Variants in DHX37 observed in about 807,000 individuals in gnomAD.
The protein encoded by DHX37 is probable ATP-dependent RNA helicase DHX37.
In DHX37, 52 loss-of-function variants were observed where a neutral mutation model predicts 134.3. The observed-to-expected ratio is 0.39, with a 90% CI of 0.31 to 0.49. DHX37 has a LOEUF of 0.49. Among genes scored for constraint, DHX37 ranks in the 20% least tolerant of loss-of-function variants. The pLI is 0.93. For synonymous variants in DHX37, 634 were observed against 670.7 expected, an observed-to-expected ratio of 0.95 and a Z score of 0.85; for missense variants, 1,344 against 1,580.8, an observed-to-expected ratio of 0.85 and a Z score of 2.54.
Position 124,952,527 on chromosome 12 carries a change from C to T in DHX37, c.2739G>A (p.Lys913=), listed in dbSNP as rs137929753. 4.0e-5 allele frequency: 62 copies of T among 1,541,026 alleles called. No individual in the cohort carries two copies. The highest frequency in any genetic ancestry group is 5.3e-5 in the Non-Finnish European group (61 of 1,142,256). ...CCTGGCTCTCGGTGGGCGGCTGCAT[C>T]TTGGGATCCACGAAGAGCTCAGCCT... The part of the protein sequence containing the change: ...CPEAELFVDP[K]MQPPTESQVT... Residue 913 remains lysine, a synonymous_variant, in exon 21 of 27, where the codon AAG becomes AAA. Transcript: ENST00000308736.
intron 18 of DHX37, among the ~76,000 whole-genome samples, chr12:124,954,667 GGAT>G (rs1954055575): frequency 6.6e-6 from 1 of 152,198 alleles, no homozygotes; most frequent in Admixed American, 6.5e-5. Flanking sequence ...CAAAGTGCTG[GGAT>G]TACAGGCATG....
Position 124,947,474 on chromosome 12 carries a change from A to C in DHX37, c.*328T>G. 1.7e-5 allele frequency: 4 copies of C among 235,780 alleles called. No homozygotes were observed. The highest frequency in any genetic ancestry group is 1.6e-5 in the Non-Finnish European group (2 of 122,442). The allele number at this position is 235,780 out of a possible 1,614,324, so 14.6% of individuals were successfully genotyped here. A position where few individuals can be genotyped will look rare whatever the true frequency, so the allele number is the denominator to read the frequency against. On this transcript the variant is annotated 3_prime_UTR_variant, in exon 27 of 27. Transcript: ENST00000308736. ...TTCTGGCAGGGCGGGCGGGGAAGGG[A>C]CTGCAGAGATCTCCAGCCCTGCTGC...
intron 3 of DHX37, among the ~76,000 whole-genome samples, chr12:124,982,144 A>AG (rs1480333631): frequency 6.6e-6 from 1 of 151,282 alleles, no homozygotes; most frequent in African/African-American, 2.4e-5. Context: ...ACAAAAAAAA[A>AG]CACGACACAA....
rs1393328984 is a variant in DHX37, at chr12:124,982,651, A to G, written c.277-28T>C. ...GGGAAAGGAAACGAGTGTATTATGC[A>G]TTTGCCATCACGACCCTCTCTTAAG... On this transcript the variant is annotated intron_variant, in intron 2 of 26. Transcript: ENST00000308736. 3.7e-6 allele frequency: 6 copies of G among 1,606,288 alleles called. No homozygotes were observed. In the Admixed American group the frequency reaches 6.7e-5, roughly 18 times the overall value.
chr12:124,986,538 CTG>C (rs1954877062), intron 1 of DHX37, among the ~76,000 whole-genome samples: 1 of 151,812 alleles, frequency 6.6e-6, no homozygotes, highest in Non-Finnish European at 1.5e-5. Context: ...TGGCGAAACC[CTG>C]TCTCTACTAA....
chr12:124,970,063 G>A (rs1457918678), intron 8 of DHX37, among the ~76,000 whole-genome samples: 1 of 152,140 alleles, frequency 6.6e-6, no homozygotes, highest in Non-Finnish European at 1.5e-5. Context: ...AGCTCCACCC[G>A]CTGGGTTCAA....
chr12:124,958,474 C>T (rs10846783), intron 16 of DHX37, among the ~76,000 whole-genome samples: 38,737 of 151,960 alleles, frequency 0.25, 5,376 homozygotes, highest in East Asian at 0.57. Context: ...TTTTTATCCA[C>T]GTGACCCACA....
chr12:124,953,595 G>A (rs1032914396), intron 20 of DHX37: 16 of 438,304 alleles, frequency 3.7e-5, no homozygotes, highest in African/African-American at 1.6e-4. Context: ...AGGCCACAGC[G>A]GTGATGGAAA....
At chr12:124,963,086 G>A (rs770875003) in intron 15 of DHX37, among the ~76,000 whole-genome samples, 5 of 152,138 alleles carry the variant, frequency 3.3e-5, no homozygotes, top group Non-Finnish European at 7.3e-5. Flanking sequence ...TAGCCAAGAG[G>A]TGAAAACAAC....
intron 18 of DHX37, among the ~76,000 whole-genome samples, chr12:124,954,549 AGGCCC>A (rs1954052200): frequency 6.6e-6 from 1 of 152,040 alleles, no homozygotes; most frequent in Non-Finnish European, 1.5e-5. Flanking sequence ...GCCCACCACC[AGGCCC>A]GGCTAAGTTT....
At chr12:124,960,778 A>C (rs537548465) in intron 15 of DHX37, among the ~76,000 whole-genome samples, 11 of 152,050 alleles carry the variant, frequency 7.2e-5, no homozygotes, top group Admixed American at 6.5e-4. Flanking sequence ...ACATGGGGAA[A>C]CCCCCATCTC....
At position 124,950,235 on chromosome 12, in the gene DHX37, C is replaced by T. The variant is rs1953948898; in HGVS notation, c.3130G>A (p.Gly1044Ser). 1 of 1,613,534 alleles carries T rather than the reference C, an allele frequency of 6.2e-7. No homozygotes were observed. Among genetic ancestry groups the T allele is most frequent in the African/African-American group, 1.3e-5 (1 of 74,938 alleles). ...CHRASVFYRV[G>S]WPLPAIEVDF... ...ACCTCGATGGCGGGGAGCGGCCAGC[C>T]CACGCGATCTAGAAGGTGGGAGCCA... The change falls in exon 24 of 27, where the codon GGC becomes AGC. Residue 1044 changes from glycine (G) to serine (S), a missense_variant. Around this residue, in one of 7 missense-constraint regions of DHX37, gnomAD observed 558 missense variants for 650.0 expected, o/e 0.86. Transcript: ENST00000308736.
At chr12:124,977,193 A>C in intron 5 of DHX37, 149 bp downstream of exon 5, 8 of 956,276 alleles carry the variant, frequency 8.4e-6, no homozygotes, top group African/African-American at 1.7e-5. Flanking sequence ...GCTGGGGCCC[A>C]GAGAGGTTAA....
intron 7 of DHX37, among the ~76,000 whole-genome samples, chr12:124,971,721 C>T (rs1439109937): frequency 2.0e-5 from 3 of 152,214 alleles, no homozygotes; most frequent in Non-Finnish European, 4.4e-5. Flanking sequence ...GGGCTGGAAT[C>T]ACCTTTGCCA....
rs540837164 is a variant in DHX37 at position 124,978,358 on chromosome 12, TC to T, written c.739-869del. The stretch of plus-strand genomic sequence containing the variant: ...TTGAGACAGAGTTTCACTCTTGTTG[TC>T]CAGGCTGGAGTGCAATAGTGTGATC... On this transcript the variant is annotated intron_variant, in intron 4 of 26. Coordinates refer to ENST00000308736, the MANE Select transcript of DHX37 (RefSeq NM_032656.4). Among the ~76,000 whole-genome samples the T allele has an allele frequency of 6.1e-3, 928 of 151,038 alleles. 8 individuals carry two copies. The highest frequency in any genetic ancestry group is 0.011 in the Non-Finnish European group (756 of 67,712).
chr12:124,954,645 G>A (rs908347993), intron 18 of DHX37, among the ~76,000 whole-genome samples: 7 of 152,106 alleles, frequency 4.6e-5, no homozygotes, highest in African/African-American at 9.7e-5. Context: ...TGATCCGCCC[G>A]TCTCGGCCTC....
At chr12:124,965,120 C>A (rs1954353762) in intron 13 of DHX37, 114 bp from the exon 14 acceptor site, 4 of 1,232,098 alleles carry the variant, frequency 3.2e-6, no homozygotes, top group African/African-American at 3.0e-5. Context: ...CCTTTCTTTG[C>A]CCTGCTGCAG....
chr12:124,949,989 G>A lies in DHX37; in HGVS notation c.3287C>T (p.Ala1096Val). ...AGGCTCCCACCGAAGGCAGTACCTGGCCCACGTCTTCAGCATGGTGCCGGG... is the reference window on the plus strand; with the variant it reads ...AGGCTCCCACCGAAGGCAGTACCTGACCCACGTCTTCAGCATGGTGCCGGG... ...SSPGTMLKTW[A>V]RLQPRTESLL... is the part of the protein sequence containing the mutation. The change falls in exon 25 of 27, where the codon GCC becomes GTC. Residue 1096 changes from alanine to valine, a missense_variant. Physicochemically the swap from Ala to Val is moderately conservative, Grantham distance 64. Transcript: ENST00000308736. This position sits in a 1 kb window ranked among gnomAD's most constrained non-coding sequence, Gnocchi z 4.0. The A allele has an allele frequency of 6.2e-7, 1 of 1,609,360 alleles. No individual in the cohort carries two copies. The highest frequency in any genetic ancestry group is 8.5e-7 in the Non-Finnish European group (1 of 1,177,522).
At chr12:124,968,672 G>A in intron 9 of DHX37, 24 bp from the exon 10 acceptor site, 1 of 1,612,836 alleles carries the variant, frequency 6.2e-7, no homozygotes, top group Non-Finnish European at 8.5e-7. Context: ...AGGAAGGCAT[G>A]GGGAGTGGGG....
Sources: allele counts gnomAD v4.1 joint callset (sites outside exome capture counted in the v4.1 genomes callset), GRCh38; gene constraint gnomAD v4.1.1; regional missense constraint gnomAD v4.1.1; non-coding constraint Gnocchi (gnomAD v3.1); transcripts MANE v1.5; gene names NCBI Gene and HGNC (gene_info 2026-07-23, HGNC 2026-07-21).